PRKAR2B: variants seen among roughly 807,000 people sequenced by gnomAD.
PRKAR2B encodes the protein protein kinase cAMP-dependent type II regulatory subunit beta, also known as cAMP-dependent protein kinase type II-beta regulatory subunit.
PRKAR2B carries 14 observed loss-of-function variants against 49.9 expected under a neutral mutation model. The ratio of observed to expected loss-of-function variants is 0.28; its 90% CI spans 0.19 to 0.44. PRKAR2B has a LOEUF of 0.44. Among genes scored for constraint, PRKAR2B ranks in the 20% least tolerant of loss-of-function variants. The pLI is 1.00. For synonymous variants in PRKAR2B, 196 were observed against 197.7 expected (o/e 0.99, Z 0.07); for missense variants, 393 against 537.9 (o/e 0.73, Z 2.67).
chr7:107,052,543 T>C (rs956763122), intron 1 of PRKAR2B, among the ~76,000 whole-genome samples: 3 of 152,250 alleles, frequency 2.0e-5, no homozygotes, highest in African/African-American at 4.8e-5. Flanking sequence ...TTTACACATA[T>C]GTGATTTAGT....
rs546545530 is a variant in PRKAR2B at position 107,148,266 on chromosome 7, G to A, written c.741+1805G>A. Among the ~76,000 whole-genome samples the A allele has an allele frequency of 5.2e-4, 79 of 152,296 alleles. 1 individual carries two copies. Among genetic ancestry groups the A allele is most frequent in the African/African-American group, 1.2e-3 (51 of 41,568 alleles). ...CAAATGTAGTCATTCCAATGGGGTT[G>A]CCGTTCAGATTCAGATTGTCAGATT... On this transcript the variant is annotated intron_variant, in intron 6 of 10. Coordinates refer to ENST00000265717, the MANE Select transcript of PRKAR2B (RefSeq NM_002736.3).
intron 2 of PRKAR2B, among the ~76,000 whole-genome samples, chr7:107,104,117 C>G (rs979165834): frequency 1.3e-5 from 2 of 152,158 alleles, no homozygotes; most frequent in African/African-American, 4.8e-5. Flanking sequence ...CTGCAACCTC[C>G]GCCTCCTGGG....
intron 1 of PRKAR2B, among the ~76,000 whole-genome samples, chr7:107,053,893 A>G (rs909918675): frequency 6.6e-6 from 1 of 152,228 alleles, no homozygotes; most frequent in Non-Finnish European, 1.5e-5. Context: ...ATGCAATTTC[A>G]TAGAGTATTT....
At chr7:107,158,066 G>A (rs887193044) in intron 10 of PRKAR2B, among the ~76,000 whole-genome samples, 1 of 152,094 alleles carries the variant, frequency 6.6e-6, no homozygotes, top group East Asian at 1.9e-4. Context: ...TTCTTTAAAA[G>A]GGTTTAAATA....
At position 107,092,247 on chromosome 7, in the gene PRKAR2B, G is replaced by T. The variant is rs562997228; in HGVS notation, c.343+21931G>T. 1.5e-3 allele frequency among the ~76,000 whole-genome samples: 219 copies of T among 144,596 alleles called. 1 individual carries two copies. The highest frequency in any genetic ancestry group is 5.3e-3 in the African/African-American group (201 of 38,282). 94.9% of individuals were successfully genotyped at this position (144,596 alleles called of 152,430 possible). On this transcript the variant is annotated intron_variant, in intron 2 of 10. Transcript: ENST00000265717. ...GTATGTGATGGGGAACCATTAAGTT[G>T]TGTGTGTGTGTGTGTGTGTGTGCGT...
rs116347048 is a variant in PRKAR2B at position 107,114,976 on chromosome 7, A to G, written c.344-6976A>G. Among the ~76,000 whole-genome samples the G allele has an allele frequency of 3.8e-3, 576 of 152,312 alleles. 4 individuals carry two copies. The highest frequency in any genetic ancestry group is 0.014 in the African/African-American group (562 of 41,566). On this transcript the variant is annotated intron_variant, in intron 2 of 10. Coordinates refer to ENST00000265717, the MANE Select transcript of PRKAR2B (RefSeq NM_002736.3). ...AAAAATAATGGGCTTATAATGAATC[A>G]TGGCAATTTAGTCAAATATTTAAAA...
chr7:107,058,552 A>G lies in PRKAR2B; in HGVS notation c.308-11729A>G, dbSNP rs898217481. ...AATCTTTTGAGATCTTTGTTTTTAC[A>G]TGAAGTTTGTTCATACGTCTTTGAT... On this transcript the variant is annotated intron_variant, in intron 1 of 10. Coordinates refer to ENST00000265717, the MANE Select transcript of PRKAR2B (RefSeq NM_002736.3). Among the ~76,000 whole-genome samples the G allele has an allele frequency of 3.3e-5, 5 of 152,314 alleles. No individual in the cohort carries two copies. In the East Asian group the frequency reaches 7.7e-4, roughly 23 times the overall value.
At chr7:107,107,540 A>C (rs1386452173) in intron 2 of PRKAR2B, among the ~76,000 whole-genome samples, 3 of 152,076 alleles carry the variant, frequency 2.0e-5, no homozygotes, top group Non-Finnish European at 4.4e-5. Flanking sequence ...GCTAGACAGT[A>C]GTACAAATGC....
At chr7:107,047,452 A>T (rs2116742618) in intron 1 of PRKAR2B, among the ~76,000 whole-genome samples, 1 of 151,320 alleles carries the variant, frequency 6.6e-6, no homozygotes, top group African/African-American at 2.4e-5. Flanking sequence ...TTTTTTTTTT[A>T]AACACATACA....
intron 4 of PRKAR2B, among the ~76,000 whole-genome samples, chr7:107,134,943 C>T (rs1338290066): frequency 6.6e-6 from 1 of 151,928 alleles, no homozygotes; most frequent in Non-Finnish European, 1.5e-5. Context: ...CTCTTAGACA[C>T]CAAAAGCATA....
At chr7:107,059,485 A>G (rs1365644557) in intron 1 of PRKAR2B, among the ~76,000 whole-genome samples, 1 of 152,120 alleles carries the variant, frequency 6.6e-6, no homozygotes, top group Non-Finnish European at 1.5e-5. Context: ...TTTTGCACTT[A>G]TAAAAGTTTC....
At chr7:107,047,799 C>T (rs1291262675) in intron 1 of PRKAR2B, among the ~76,000 whole-genome samples, 1 of 152,120 alleles carries the variant, frequency 6.6e-6, no homozygotes, top group East Asian at 1.9e-4. Context: ...ATGACCATTA[C>T]CCTGTACCAT....
chr7:107,108,204 C>A (rs958693345), intron 2 of PRKAR2B, among the ~76,000 whole-genome samples: 1 of 152,130 alleles, frequency 6.6e-6, no homozygotes, highest in Non-Finnish European at 1.5e-5. Flanking sequence ...GTTGGGGCCA[C>A]TGGACAACGT....
intron 1 of PRKAR2B, among the ~76,000 whole-genome samples, chr7:107,066,136 T>C (rs567556061): frequency 1.5e-4 from 23 of 152,300 alleles, no homozygotes; most frequent in Non-Finnish European, 3.2e-4. Flanking sequence ...TATATAAATA[T>C]TTTTGTCTTT....
intron 2 of PRKAR2B, among the ~76,000 whole-genome samples, chr7:107,104,495 A>G (rs938387605): frequency 3.3e-5 from 5 of 152,126 alleles, no homozygotes; most frequent in Admixed American, 3.3e-4. Context: ...TTGGGGGGGT[A>G]TACTCAATAC....
At position 107,101,182 on chromosome 7, in the gene PRKAR2B, T is replaced by C. The variant is rs1034318838; in HGVS notation, c.344-20770T>C. Among the ~76,000 whole-genome samples the C allele has an allele frequency of 2.0e-5, 3 of 148,854 alleles. No homozygotes were observed. The Admixed American group carries it at 2.0e-4, about 10-fold the overall frequency. ...TTGTAGCTTGTCTACTAAATCTGTA[T>C]GCTCTGTCTTTGCCATGGTATGTGG... On this transcript the variant is annotated intron_variant, in intron 2 of 10. Transcript: ENST00000265717.
intron 7 of PRKAR2B, among the ~76,000 whole-genome samples, chr7:107,152,132 T>C (rs1795999784): frequency 6.6e-6 from 1 of 152,204 alleles, no homozygotes; most frequent in Non-Finnish European, 1.5e-5. Flanking sequence ...TAGCACTGAC[T>C]CATATGAACC....
chr7:107,146,799 A>G (rs900570893), intron 6 of PRKAR2B, among the ~76,000 whole-genome samples: 1 of 152,186 alleles, frequency 6.6e-6, no homozygotes, highest in Non-Finnish European at 1.5e-5. Context: ...TTTCTGAGGT[A>G]AGTATTATAA....
At chr7:107,136,839 CCACA>C (rs1055013414) in intron 4 of PRKAR2B, among the ~76,000 whole-genome samples, 1 of 152,198 alleles carries the variant, frequency 6.6e-6, no homozygotes, top group African/African-American at 2.4e-5. Flanking sequence ...AAACTTAGGT[CCACA>C]CAGAAACCTG....
Sources: allele counts gnomAD v4.1 joint callset (sites outside exome capture counted in the v4.1 genomes callset), GRCh38; gene constraint gnomAD v4.1.1; transcripts MANE v1.5; gene names NCBI Gene and HGNC (gene_info 2026-07-23, HGNC 2026-07-21).